Variants in DIP2B observed in about 807,000 individuals in gnomAD.
DIP2B encodes DIP2 acetate--CoA ligase B (putative).
A neutral mutation model predicts 198.0 loss-of-function variants in DIP2B; 76 were observed. That is an observed-to-expected ratio of 0.38 (90% CI 0.32 to 0.46). DIP2B has a LOEUF of 0.46. Among genes scored for constraint, DIP2B ranks in the 20% least tolerant of loss-of-function variants. The pLI is 0.99. For missense variants in DIP2B, 1,559 were observed against 1,978.4 expected, an observed-to-expected ratio of 0.79 and a Z score of 4.02; for synonymous variants, 701 against 739.1, an observed-to-expected ratio of 0.95 and a Z score of 0.84.
intron 1 of DIP2B, among the ~76,000 whole-genome samples, chr12:50,536,468 C>G (rs1958268371): frequency 6.6e-6 from 1 of 152,074 alleles, no homozygotes; most frequent in African/African-American, 2.4e-5. Flanking sequence ...AAGAAAAAAT[C>G]AATTCATGTA....
At chr12:50,516,213 A>ATCTCTCTCTCTCTCTCTC (rs68059796) in intron 1 of DIP2B, among the ~76,000 whole-genome samples, 1 of 128,510 alleles carries the variant, frequency 7.8e-6, no homozygotes, top group African/African-American at 3.0e-5. Flanking sequence ...TAGAGGCACC[A>ATCTCTCTCTCTCTCTCTC]TCTCTCTCTC....
At chr12:50,534,101 T>C (rs912213455) in intron 1 of DIP2B, among the ~76,000 whole-genome samples, 11 of 152,174 alleles carry the variant, frequency 7.2e-5, no homozygotes, top group African/African-American at 2.7e-4. Flanking sequence ...TTTTTAGTCA[T>C]TAGTCAACTA....
At chr12:50,694,830 A>T (rs1319858481) in intron 14 of DIP2B, among the ~76,000 whole-genome samples, 1 of 152,130 alleles carries the variant, frequency 6.6e-6, no homozygotes, top group Non-Finnish European at 1.5e-5. Context: ...TGATATAGCC[A>T]AACAATGGAA....
chr12:50,694,881 TA>T (rs1359029489), intron 14 of DIP2B, among the ~76,000 whole-genome samples: 6 of 151,428 alleles, frequency 4.0e-5, no homozygotes, highest in Admixed American at 3.9e-4. Flanking sequence ...AGATCTCTTA[TA>T]CTGATATGCA....
At chr12:50,565,159 C>T (rs963482029) in intron 1 of DIP2B, among the ~76,000 whole-genome samples, 21 of 152,050 alleles carry the variant, frequency 1.4e-4, no homozygotes, top group African/African-American at 5.1e-4. Context: ...TGCACTGCCA[C>T]ACCTGCTTTT....
chr12:50,620,850 C>G (rs61927854), intron 1 of DIP2B, among the ~76,000 whole-genome samples: 4,238 of 152,284 alleles, frequency 0.028, 105 homozygotes, highest in Non-Finnish European at 0.041. Context: ...TCCCCCTCCT[C>G]CCAATCAGTT....
chr12:50,545,837 A>C (rs1958372746), intron 1 of DIP2B, among the ~76,000 whole-genome samples: 1 of 151,718 alleles, frequency 6.6e-6, no homozygotes, highest in African/African-American at 2.4e-5. Context: ...GGGTTTCACC[A>C]TGTTGGCCAG....
chr12:50,734,981 T>G, intron 33 of DIP2B, 92 bp from the exon 34 acceptor site: 2 of 1,448,094 alleles, frequency 1.4e-6, no homozygotes, highest in South Asian at 2.3e-5. Context: ...AGAGACAAGT[T>G]AGAGGTTGTG....
rs771171928 is a variant in DIP2B, at chr12:50,748,142, A to C, written c.*3303A>C. The C allele has an allele frequency of 3.3e-5, 5 of 152,664 alleles. No homozygotes were observed. The highest frequency in any genetic ancestry group is 7.3e-5 in the Non-Finnish European group (5 of 68,038). The allele number at this position is 152,664 out of a possible 1,614,324, so 9.5% of individuals were successfully genotyped here. On this transcript the variant is annotated 3_prime_UTR_variant, in exon 38 of 38. Coordinates refer to ENST00000301180, the MANE Select transcript of DIP2B (RefSeq NM_173602.3). ...GGTTTTCTATTAAGGTCTCTGCCCCAGGCATGGTGCTCTATATCTTGGCCA... is the reference window on the plus strand; with the variant it reads ...GGTTTTCTATTAAGGTCTCTGCCCCCGGCATGGTGCTCTATATCTTGGCCA...
At position 50,505,086 on chromosome 12, in the gene DIP2B, C is replaced by A; in HGVS notation, c.-55C>A. On this transcript the variant is annotated 5_prime_UTR_variant, in exon 1 of 38. Transcript: ENST00000301180. ...AGCCGGGTGTGGGCCCGTGTCTGTC[C>A]GTCCCTCCTTCGGCCCCCTCTCTTG... The A allele has an allele frequency of 6.7e-7, 1 of 1,483,110 alleles. No individual in the cohort carries two copies. Among genetic ancestry groups the A allele is most frequent in the Non-Finnish European group, 9.1e-7 (1 of 1,104,166 alleles). 91.9% of individuals were successfully genotyped at this position (1,483,110 alleles called of 1,614,324 possible).
intron 1 of DIP2B, among the ~76,000 whole-genome samples, chr12:50,534,244 T>C (rs1958243714): frequency 6.6e-6 from 1 of 152,178 alleles, no homozygotes; most frequent in Non-Finnish European, 1.5e-5. Context: ...CTCATTTTCA[T>C]GGAGAACCAA....
At chr12:50,645,470 T>TC (rs1297129763) in intron 3 of DIP2B, among the ~76,000 whole-genome samples, 1 of 151,754 alleles carries the variant, frequency 6.6e-6, no homozygotes, top group African/African-American at 2.4e-5. Context: ...TTTTTTTTTT[T>TC]TTTTTGAGAC....
chr12:50,552,725 C>T (rs1311958776), intron 1 of DIP2B, among the ~76,000 whole-genome samples: 1 of 152,034 alleles, frequency 6.6e-6, no homozygotes, highest in Non-Finnish European at 1.5e-5. Flanking sequence ...CCAAGAAATT[C>T]TTGCCAAATC....
At chr12:50,525,296 T>A (rs1223086308) in intron 1 of DIP2B, among the ~76,000 whole-genome samples, 1 of 149,590 alleles carries the variant, frequency 6.7e-6, no homozygotes, top group Non-Finnish European at 1.5e-5. Flanking sequence ...AGGCGGAGCT[T>A]GCAGTGAGCC....
At chr12:50,522,568 C>T (rs1462747081) in intron 1 of DIP2B, among the ~76,000 whole-genome samples, 2 of 152,186 alleles carry the variant, frequency 1.3e-5, no homozygotes, top group Non-Finnish European at 2.9e-5. Context: ...AGAAAACCTA[C>T]ACAGACATGG....
rs766675501 is a variant in DIP2B, at chr12:50,562,736, G to GA, written c.100+57511dup. Among the ~76,000 whole-genome samples the GA allele has an allele frequency of 8.7e-3, 1,106 of 127,308 alleles. 11 individuals are homozygous for GA. Among genetic ancestry groups the GA allele is most frequent in the African/African-American group, 0.025 (859 of 34,710 alleles). The allele number at this position is 127,308 out of a possible 152,430, so 83.5% of individuals were successfully genotyped here. Reference sequence around the variant, plus strand: ...TGGGTGACAGAGTGACCCTGACTCAGAAAAAAAAAAAAAAATTCTCAGGCT... The same window carrying GA: ...TGGGTGACAGAGTGACCCTGACTCAGAAAAAAAAAAAAAAAATTCTCAGGCT... On this transcript the variant is annotated intron_variant, in intron 1 of 37. Coordinates refer to ENST00000301180, the MANE Select transcript of DIP2B (RefSeq NM_173602.3).
At chr12:50,702,466 G>A (rs931186651) in intron 19 of DIP2B, among the ~76,000 whole-genome samples, 19 of 151,766 alleles carry the variant, frequency 1.3e-4, no homozygotes, top group African/African-American at 4.4e-4. Flanking sequence ...GGAGGCTGAG[G>A]CAGGAGAATC....
chr12:50,642,510 G>C (rs1038091129), intron 3 of DIP2B, among the ~76,000 whole-genome samples: 6 of 152,222 alleles, frequency 3.9e-5, no homozygotes, highest in African/African-American at 1.4e-4. Context: ...TAGTAGGCCA[G>C]GGTGGTGGCT....
chr12:50,619,759 G>T (rs1339007595), intron 1 of DIP2B, among the ~76,000 whole-genome samples: 2 of 152,204 alleles, frequency 1.3e-5, no homozygotes, highest in African/African-American at 4.8e-5. Flanking sequence ...TTTCACAGAT[G>T]TAGAAACTGA....
Sources: allele counts gnomAD v4.1 joint callset (sites outside exome capture counted in the v4.1 genomes callset), GRCh38; gene constraint gnomAD v4.1.1; transcripts MANE v1.5; gene names NCBI Gene and HGNC (gene_info 2026-07-23, HGNC 2026-07-21).